PRDM16: variants seen among roughly 807,000 people sequenced by gnomAD.
The protein encoded by PRDM16 is PR/SET domain 16.
PRDM16 carries 23 observed loss-of-function variants against 110.6 expected under a neutral mutation model. That is an observed-to-expected ratio of 0.21 (90% CI 0.15 to 0.29). The LOEUF is 0.29. PRDM16 is among the 10% of genes least tolerant of loss of function. The pLI is 1.00. For missense variants in PRDM16, 1,615 were observed against 1,794.3 expected, an observed-to-expected ratio of 0.90 and a Z score of 1.81; for synonymous variants, 799 against 781.8, an observed-to-expected ratio of 1.02 and a Z score of -0.37.
intron 3 of PRDM16, among the ~76,000 whole-genome samples, chr1:3,312,106 C>T (rs1641475649): frequency 6.6e-6 from 1 of 152,216 alleles, no homozygotes; most frequent in African/African-American, 2.4e-5. Flanking sequence ...ACCCTGCTCT[C>T]TGATCCTGAC....
rs1421420349 is a variant in PRDM16, at chr1:3,265,681, G to A, written c.438+21544G>A. Among the ~76,000 whole-genome samples the A allele has an allele frequency of 1.3e-5, 2 of 152,064 alleles. No homozygotes were observed. The highest frequency in any genetic ancestry group is 4.8e-5 in the African/African-American group (2 of 41,398). On this transcript the variant is annotated intron_variant, in intron 3 of 16. Transcript: ENST00000270722. The surrounding 1 kb of genome is among the most constrained non-coding windows in gnomAD (Gnocchi z 4.5). ...CAGCCCTCTTGCCCCGGGGCTGCCT[G>A]GGTTTGTCCTGGGAAGGTGAGGATG...
chr1:3,391,457 C>T (rs1175327453), intron 4 of PRDM16, among the ~76,000 whole-genome samples: 1 of 152,202 alleles, frequency 6.6e-6, no homozygotes, highest in Non-Finnish European at 1.5e-5. Context: ...GTTACAGGCT[C>T]ACTTTACTAG....
At chr1:3,114,533 T>C (rs1037985541) in intron 1 of PRDM16, among the ~76,000 whole-genome samples, 20 of 150,574 alleles carry the variant, frequency 1.3e-4, no homozygotes, top group African/African-American at 4.2e-4. Flanking sequence ...CACGCACACA[T>C]GCACACATGA....
intron 3 of PRDM16, among the ~76,000 whole-genome samples, chr1:3,360,955 G>A (rs937133410): frequency 6.6e-6 from 1 of 152,218 alleles, no homozygotes; most frequent in African/African-American, 2.4e-5. Context: ...CGAGGCAGGT[G>A]GCTGGCGGCC....
At chr1:3,389,097 C>T (rs954567794) in intron 4 of PRDM16, among the ~76,000 whole-genome samples, 1 of 152,204 alleles carries the variant, frequency 6.6e-6, no homozygotes, top group Non-Finnish European at 1.5e-5. Context: ...CTAACACGCC[C>T]CAAGACACCT....
rs545879416 is a variant in PRDM16, at chr1:3,173,716, G to A, written c.38-12409G>A. ...CTTGGCAGCGGATGTGCTTCTCTCC[G>A]AGCTTCAGGGCCGGCCCCTGGTGGG... On this transcript the variant is annotated intron_variant, in intron 1 of 16. Coordinates refer to ENST00000270722, the MANE Select transcript of PRDM16 (RefSeq NM_022114.4). 4.1e-3 allele frequency among the ~76,000 whole-genome samples: 632 copies of A among 152,366 alleles called. 5 individuals carry two copies. Among genetic ancestry groups the A allele is most frequent in the African/African-American group, 0.014 (586 of 41,596 alleles).
At chr1:3,139,746 C>T (rs1643510172) in intron 1 of PRDM16, among the ~76,000 whole-genome samples, 1 of 152,244 alleles carries the variant, frequency 6.6e-6, no homozygotes, top group East Asian at 1.9e-4. Flanking sequence ...ATGCACCTGA[C>T]CCTGGTCCTG....
At chr1:3,383,084 A>G (rs1643132901) in intron 3 of PRDM16, among the ~76,000 whole-genome samples, 1 of 152,204 alleles carries the variant, frequency 6.6e-6, no homozygotes, top group East Asian at 1.9e-4. Flanking sequence ...TTCACGGCCA[A>G]CCCTGGGCAG....
In PRDM16 at chr1:3,342,685, A is replaced by G. The variant is rs1110069; in HGVS notation, c.439-42467A>G. ...ATGGCCAGCCGCTGTTCTGATGTCT[A>G]TCACCTTGGATTCATTTTACCTGTC... On this transcript the variant is annotated intron_variant, in intron 3 of 16. Transcript: ENST00000270722. Among the ~76,000 whole-genome samples, 685 of 152,338 alleles carry G rather than the reference A, an allele frequency of 4.5e-3. 1 individual carries two copies. The highest frequency in any genetic ancestry group is 0.013 in the South Asian group (65 of 4,832).
intron 3 of PRDM16, among the ~76,000 whole-genome samples, chr1:3,280,056 A>G (rs1004627575): frequency 6.6e-6 from 1 of 152,150 alleles, no homozygotes; most frequent in Non-Finnish European, 1.5e-5. Flanking sequence ...GGGTGAAAAA[A>G]AAAAAACATT....
chr1:3,089,671 A>G (rs1465845168), intron 1 of PRDM16, among the ~76,000 whole-genome samples: 1 of 152,246 alleles, frequency 6.6e-6, no homozygotes, highest in African/African-American at 2.4e-5. Flanking sequence ...ACTGCCGAGG[A>G]AGCGCAGGGA....
chr1:3,223,278 G>A (rs542692706), intron 2 of PRDM16, among the ~76,000 whole-genome samples: 1 of 151,982 alleles, frequency 6.6e-6, no homozygotes, highest in Admixed American at 6.6e-5. Flanking sequence ...GCGGCTCATC[G>A]CAGTGTTGAT....
Position 3,084,418 on chromosome 1 carries a change from C to T in PRDM16, c.37+15122C>T, listed in dbSNP as rs965164039. Among the ~76,000 whole-genome samples, 4 of 152,232 alleles carry T rather than the reference C, an allele frequency of 2.6e-5. No homozygotes were observed. The East Asian group carries it at 5.8e-4, about 22-fold the overall frequency. On this transcript the variant is annotated intron_variant, in intron 1 of 16. Coordinates refer to ENST00000270722, the MANE Select transcript of PRDM16 (RefSeq NM_022114.4). ...CGCTCGGCGGCCGGAGAGAGCCTCT[C>T]CACAGTCTGTGCTCTGGCACGAGGC...
At chr1:3,371,378 C>A (rs760157413) in intron 3 of PRDM16, among the ~76,000 whole-genome samples, 2 of 151,836 alleles carry the variant, frequency 1.3e-5, no homozygotes, top group East Asian at 3.9e-4. Flanking sequence ...GTCCATCCAC[C>A]CATCCATTCA....
chr1:3,114,576 GCA>G (rs745786781), intron 1 of PRDM16, among the ~76,000 whole-genome samples: 8 of 150,662 alleles, frequency 5.3e-5, no homozygotes, highest in Admixed American at 1.3e-4. Flanking sequence ...GCACACACTT[GCA>G]CACACAAGAA....
intron 4 of PRDM16, among the ~76,000 whole-genome samples, chr1:3,394,841 C>G (rs1011522768): frequency 3.4e-4 from 23 of 67,544 alleles, no homozygotes; most frequent in Non-Finnish European, 6.0e-4. Flanking sequence ...GATTCAGCCA[C>G]TGTGTGATTT....
intron 2 of PRDM16, among the ~76,000 whole-genome samples, chr1:3,197,278 G>T (rs948816297): frequency 2.6e-5 from 4 of 152,220 alleles, no homozygotes; most frequent in Admixed American, 2.6e-4. Flanking sequence ...CCCCAGGCGG[G>T]CCCTTTCTGC....
At chr1:3,136,764 C>G (rs1289446268) in intron 1 of PRDM16, among the ~76,000 whole-genome samples, 3 of 152,196 alleles carry the variant, frequency 2.0e-5, no homozygotes, top group Non-Finnish European at 4.4e-5. Flanking sequence ...CAGGCACCCC[C>G]ACTCCATACA....
intron 3 of PRDM16, among the ~76,000 whole-genome samples, chr1:3,251,969 C>T (rs947414488): frequency 3.3e-5 from 5 of 152,192 alleles, no homozygotes; most frequent in Non-Finnish European, 7.3e-5. Context: ...ACAGCCACGC[C>T]GCCTCCCTCC....
Sources: gnomAD v4.1 joint callset for allele counts (sites outside exome capture counted in the v4.1 genomes callset) on GRCh38, gnomAD v4.1.1 for gene constraint, Gnocchi (gnomAD v3.1) non-coding constraint, MANE v1.5 for transcripts, NCBI Gene and HGNC (gene_info 2026-07-23, HGNC 2026-07-21) for gene names.